The following SLC4A3 variants were observed in gnomAD, a reference collection of about 807,000 sequenced individuals.
SLC4A3 encodes the protein anion exchange protein 3.
A neutral mutation model predicts 114.2 loss-of-function variants in SLC4A3; 47 were observed. The observed-to-expected ratio is 0.41, with a 90% CI of 0.33 to 0.52. The LOEUF (loss-of-function observed/expected upper bound fraction) is 0.52. Among genes scored for constraint, SLC4A3 ranks in the 20% least tolerant of loss-of-function variants. The pLI is 0.21. For missense variants in SLC4A3, 1,312 were observed against 1,668.3 expected, an observed-to-expected ratio of 0.79 and a Z score of 3.72; for synonymous variants, 693 against 710.3, an observed-to-expected ratio of 0.98 and a Z score of 0.39.
At chr2:219,640,325 C>A (rs913093397) in intron 20 of SLC4A3, 105 bp from the exon 21 acceptor site, 2 of 1,299,862 alleles carry the variant, frequency 1.5e-6, no homozygotes, top group Non-Finnish European at 2.1e-6. Flanking sequence ...TCCATCCTCA[C>A]GGGGGCTGTC....
Position 219,639,388 on chromosome 2 carries a change from C to G in SLC4A3, c.3024-94C>G, listed in dbSNP as rs1022301512. 2 of 1,444,574 alleles carry G rather than the reference C, an allele frequency of 1.4e-6. No individual in the cohort carries two copies. Among genetic ancestry groups the G allele is most frequent in the Non-Finnish European group, 1.9e-6 (2 of 1,056,168 alleles). 89.5% of individuals were successfully genotyped at this position (1,444,574 alleles called of 1,614,324 possible). ...TAGGGAGAACTGTTGTCTGCACGTCCTCCCCCCACCATCTCGTCTCTGTGT... is the reference window on the plus strand; with the variant it reads ...TAGGGAGAACTGTTGTCTGCACGTCGTCCCCCCACCATCTCGTCTCTGTGT... On this transcript the variant is annotated intron_variant, in intron 19 of 22. Transcript: ENST00000358055. The surrounding 1 kb of genome is among the most constrained non-coding windows in gnomAD (Gnocchi z 5.9).
At position 219,640,905 on chromosome 2, in the gene SLC4A3, G is replaced by T. The variant is rs745424226; in HGVS notation, c.3564G>T (p.Thr1188=). Residue 1188 remains threonine, a synonymous_variant, in exon 22 of 23, where the codon ACG becomes ACT. Coordinates refer to ENST00000358055, the MANE Select transcript of SLC4A3 (RefSeq NM_005070.4). ...CCTTTCCCTTCCTGCTGCTGCTCAC[G>T]GTGCCTCTGAGGCATTGCCTTCTGC... The part of the protein sequence containing the change: ...SLAFPFLLLL[T]VPLRHCLLPR... 6.2e-7 allele frequency: 1 copy of T among 1,610,846 alleles called. No individual in the cohort carries two copies. Among genetic ancestry groups the T allele is most frequent in the Non-Finnish European group, 8.5e-7 (1 of 1,180,018 alleles).
At position 219,631,865 on chromosome 2, in the gene SLC4A3, C is replaced by T; in HGVS notation, c.812-103C>T. The T allele has an allele frequency of 1.6e-6, 2 of 1,283,750 alleles. No individual in the cohort carries two copies. Among genetic ancestry groups the T allele is most frequent in the African/African-American group, 1.5e-5 (1 of 67,140 alleles). 79.5% of individuals were successfully genotyped at this position (1,283,750 alleles called of 1,614,324 possible). On this transcript the variant is annotated intron_variant, in intron 6 of 22. Transcript: ENST00000358055. This position sits in a 1 kb window ranked among gnomAD's most constrained non-coding sequence, Gnocchi z 6.3. ...TCCCGTCGGCATGGCCTGTTGGTGA[C>T]TGTAGAGCTCACCAAGTAGATGGGT...
In SLC4A3 at chr2:219,632,296, G is replaced by T; in HGVS notation, c.995G>T (p.Arg332Leu). Residue 332 changes from arginine to leucine, a missense_variant, in exon 8 of 23, where the codon CGC becomes CTC. By Grantham distance (102) the Arg-to-Leu change is moderately radical. Around this residue, in one of 4 missense-constraint regions of SLC4A3, gnomAD observed 771 missense variants for 977.7 expected, o/e 0.79. Coordinates refer to ENST00000358055, the MANE Select transcript of SLC4A3 (RefSeq NM_005070.4). ...FVELNELMLD[R>L]SQEPHWRETA... is the part of the protein sequence containing the mutation. ...GAGCTGAACGAGCTGATGCTGGACCGCAGCCAGGAGCCCCACTGGCGGGAG... is the reference window on the plus strand; with the variant it reads ...GAGCTGAACGAGCTGATGCTGGACCTCAGCCAGGAGCCCCACTGGCGGGAG... The T allele has an allele frequency of 6.2e-7, 1 of 1,614,076 alleles. No homozygotes were observed. Among genetic ancestry groups the T allele is most frequent in the Admixed American group, 1.7e-5 (1 of 60,026 alleles).
chr2:219,637,859 C>A lies in SLC4A3; in HGVS notation c.2766+48C>A. ...GCCCCCAAGAGTCCCACAATTCCTG[C>A]TGTAGGAGCTCCCCAGAGAGGCTGC... On this transcript the variant is annotated intron_variant, in intron 17 of 22. Transcript: ENST00000358055. This position sits in a 1 kb window ranked among gnomAD's most constrained non-coding sequence, Gnocchi z 4.6. 7.0e-7 allele frequency: 1 copy of A among 1,430,412 alleles called. No individual in the cohort carries two copies. Among genetic ancestry groups the A allele is most frequent in the Non-Finnish European group, 9.9e-7 (1 of 1,014,510 alleles). 88.6% of individuals were successfully genotyped at this position (1,430,412 alleles called of 1,614,324 possible).
rs3214742 is a variant in SLC4A3 at position 219,629,882 on chromosome 2, A to AGGG, written c.611+195_611+197dup. Among the ~76,000 whole-genome samples the AGGG allele has an allele frequency of 1.4e-3, 145 of 105,058 alleles. 1 individual carries two copies. Among genetic ancestry groups the AGGG allele is most frequent in the African/African-American group, 5.0e-3 (134 of 26,946 alleles). The allele number at this position is 105,058 out of a possible 152,430, so 68.9% of individuals were successfully genotyped here. Reference sequence around the variant, plus strand: ...CATGATTTACAAGGAGGAGAGAACAAGGGGGGGGGGAGAAAAACAGAGAAG... The same window carrying AGGG: ...CATGATTTACAAGGAGGAGAGAACAAGGGGGGGGGGGGGAGAAAAACAGAGAAG... On this transcript the variant is annotated intron_variant, in intron 5 of 22. Transcript: ENST00000358055.
At chr2:219,640,318 A>T in intron 20 of SLC4A3, 112 bp from the exon 21 acceptor site, 1 of 1,214,960 alleles carries the variant, frequency 8.2e-7, no homozygotes, top group Non-Finnish European at 1.1e-6. Flanking sequence ...AGGCCTCTCC[A>T]TCCTCACGGG....
At position 219,636,349 on chromosome 2, in the gene SLC4A3, A is replaced by G; in HGVS notation, c.2239A>G (p.Thr747Ala). 1.2e-6 allele frequency: 2 copies of G among 1,613,752 alleles called. No individual in the cohort carries two copies. The highest frequency in any genetic ancestry group is 1.1e-5 in the South Asian group (1 of 91,076). ...GGGCGTGTCCGAGCTGATCGTGTCC[A>G]CCGCTGTGCTCGGCGTCCTCTTCTC... ...LMGVSELIVS[T>A]AVLGVLFSLL... The change falls in exon 15 of 23, where the codon ACC (threonine) becomes GCC (alanine). Residue 747 changes from threonine to alanine, a missense_variant. Physicochemically the swap from Thr to Ala is moderately conservative, Grantham distance 58. Transcript: ENST00000358055. The surrounding 1 kb of genome is among the most constrained non-coding windows in gnomAD (Gnocchi z 5.5).
chr2:219,637,587 A>T lies in SLC4A3; in HGVS notation c.2542A>T (p.Thr848Ser). ...ETFYKLYKVF[T>S]EHPLLPFYPP... ...CCTTGTTATCCACACACAGGTGTTC[A>T]CAGAGCACCCACTGCTGCCGTTCTA... The change falls in exon 17 of 23, where the codon ACA (threonine) becomes TCA (serine). Residue 848 changes from threonine to serine, a missense_variant. By Grantham distance (58) the Thr-to-Ser change is moderately conservative. Around this residue, in one of 4 missense-constraint regions of SLC4A3, gnomAD observed 771 missense variants for 977.7 expected, o/e 0.79. Coordinates refer to ENST00000358055, the MANE Select transcript of SLC4A3 (RefSeq NM_005070.4). This position sits in a 1 kb window ranked among gnomAD's most constrained non-coding sequence, Gnocchi z 4.6. The T allele has an allele frequency of 1.3e-6, 2 of 1,573,824 alleles. No homozygotes were observed. The highest frequency in any genetic ancestry group is 2.3e-5 in the South Asian group (2 of 88,344).
chr2:219,632,060 G>A lies in SLC4A3; in HGVS notation c.904G>A (p.Ala302Thr). ...CGGGAGGGGCAGTCCCAGCGGCCTG[G>A]CCCCCATCCTTCGCAGGAAGAAGAA... ...QGGRGSPSGLAPILRRKKKKK... is the reference protein window; with the variant it reads ...QGGRGSPSGLTPILRRKKKKK... The change falls in exon 7 of 23, where the codon GCC becomes ACC. Residue 302 changes from alanine (A) to threonine (T), a missense_variant. This residue lies in a region of SLC4A3 where 771 missense variants were observed against 977.7 expected (regional missense o/e 0.79). Transcript: ENST00000358055. 1 of 1,613,904 alleles carries A rather than the reference G, an allele frequency of 6.2e-7. No individual in the cohort carries two copies.
At position 219,628,266 on chromosome 2, in the gene SLC4A3, GAC is replaced by G. The variant is rs1169926186; in HGVS notation, c.52-135_52-134del. 1.0e-6 allele frequency: 1 copy of G among 978,400 alleles called. No individual in the cohort carries two copies. Among genetic ancestry groups the G allele is most frequent in the Non-Finnish European group, 1.5e-6 (1 of 672,890 alleles). The allele number at this position is 978,400 out of a possible 1,614,324, so 60.6% of individuals were successfully genotyped here. On this transcript the variant is annotated intron_variant, in intron 2 of 22. Transcript: ENST00000358055. This position sits in a 1 kb window ranked among gnomAD's most constrained non-coding sequence, Gnocchi z 4.8. ...CAGAGAGGGTGGTTTCTGGGATGCT[GAC>G]ACAGGCCTGGGAGCAAGGGGAGGGG...
At position 219,636,486 on chromosome 2, in the gene SLC4A3, C is replaced by G. The variant is rs1699123211; in HGVS notation, c.2340+36C>G. ...GCCTTGCCCTGCTCCATCCATCCTGCCCCACACTCTTCCTTACCTACATCC... is the reference window on the plus strand; with the variant it reads ...GCCTTGCCCTGCTCCATCCATCCTGGCCCACACTCTTCCTTACCTACATCC... On this transcript the variant is annotated intron_variant, in intron 15 of 22. Coordinates refer to ENST00000358055, the MANE Select transcript of SLC4A3 (RefSeq NM_005070.4). The surrounding 1 kb of genome is among the most constrained non-coding windows in gnomAD (Gnocchi z 5.5). 1 of 1,553,128 alleles carries G rather than the reference C, an allele frequency of 6.4e-7. No homozygotes were observed. Among genetic ancestry groups the G allele is most frequent in the African/African-American group, 1.5e-5 (1 of 66,508 alleles).
chr2:219,641,025 GTTT>G lies in SLC4A3; in HGVS notation c.3621+64_3621+66del. On this transcript the variant is annotated intron_variant, in intron 22 of 22. Transcript: ENST00000358055. This position sits in a 1 kb window ranked among gnomAD's most constrained non-coding sequence, Gnocchi z 4.0. The stretch of plus-strand genomic sequence containing the variant: ...AAATGGGCACTGGGTTCCAATCTCT[GTTT>G]GGCCACCCACTAGTTGTGTTAGTTG... The G allele has an allele frequency of 6.7e-7, 1 of 1,485,218 alleles. No individual in the cohort carries two copies. The highest frequency in any genetic ancestry group is 9.2e-7 in the Non-Finnish European group (1 of 1,092,638). The allele number at this position is 1,485,218 out of a possible 1,614,324, so 92.0% of individuals were successfully genotyped here.
chr2:219,634,720 C>A, intron 12 of SLC4A3, 116 bp downstream of exon 12: 2 of 1,128,598 alleles, frequency 1.8e-6, no homozygotes, highest in Non-Finnish European at 2.5e-6. Flanking sequence ...TGGGTGGAGG[C>A]CATGCCCTGG....
rs763110688 is a variant in SLC4A3, at chr2:219,630,138, G to A, written c.612-15G>A. Reference sequence around the variant, plus strand: ...TGGCCCTGTCAAGTCCAAGGCTGCTGTGTTGCCTCCCCAGCTCCCCCAGCC... The same window carrying A: ...TGGCCCTGTCAAGTCCAAGGCTGCTATGTTGCCTCCCCAGCTCCCCCAGCC... On this transcript the variant is annotated splice_polypyrimidine_tract_variant and intron_variant, in intron 5 of 22. Transcript: ENST00000358055. This position sits in a 1 kb window ranked among gnomAD's most constrained non-coding sequence, Gnocchi z 6.9. 2 of 1,612,832 alleles carry A rather than the reference G, an allele frequency of 1.2e-6. No homozygotes were observed. The highest frequency in any genetic ancestry group is 1.7e-6 in the Non-Finnish European group (2 of 1,179,634).
intron 5 of SLC4A3, 180 bp from the exon 6 acceptor site, chr2:219,629,973 G>A: frequency 1.6e-6 from 2 of 1,216,596 alleles, no homozygotes; most frequent in Non-Finnish European, 1.1e-6. Context: ...GAGGAGAAAG[G>A]TGGAGGAAAG....
Position 219,636,178 on chromosome 2 carries a change from C to A in SLC4A3, c.2192-124C>A. 1.8e-6 allele frequency: 2 copies of A among 1,093,446 alleles called. No individual in the cohort carries two copies. Among genetic ancestry groups the A allele is most frequent in the Non-Finnish European group, 2.7e-6 (2 of 742,692 alleles). The allele number at this position is 1,093,446 out of a possible 1,614,324, so 67.7% of individuals were successfully genotyped here. On this transcript the variant is annotated intron_variant, in intron 14 of 22. Transcript: ENST00000358055. This position sits in a 1 kb window ranked among gnomAD's most constrained non-coding sequence, Gnocchi z 5.5. ...TGGGAGCAATGGGGTATGGAAGGGGCCCTGTGTGTCACTCTAAGGGGCTGC... is the reference window on the plus strand; with the variant it reads ...TGGGAGCAATGGGGTATGGAAGGGGACCTGTGTGTCACTCTAAGGGGCTGC...
rs1402044432 is a variant in SLC4A3, at chr2:219,631,257, AAGG to A, written c.812-709_812-707del. ...CGGGAGAATGACGAGCCCACTGGAG[AAGG>A]ACCCTGAGCCCAATGGGGCACTGAG... On this transcript the variant is annotated intron_variant, in intron 6 of 22. Transcript: ENST00000358055. The surrounding 1 kb of genome is among the most constrained non-coding windows in gnomAD (Gnocchi z 6.3). The A allele has an allele frequency of 7.8e-7, 1 of 1,274,970 alleles. No homozygotes were observed. The highest frequency in any genetic ancestry group is 1.0e-6 in the Non-Finnish European group (1 of 969,198). 79.0% of individuals were successfully genotyped at this position (1,274,970 alleles called of 1,614,324 possible).
At chr2:219,634,282 T>C in intron 11 of SLC4A3, 138 bp from the exon 12 acceptor site, 2 of 810,140 alleles carry the variant, frequency 2.5e-6, no homozygotes, top group Non-Finnish European at 4.0e-6. Context: ...CATAAGCGAA[T>C]AGTGCCCTTT....
Sources: gnomAD v4.1 joint callset for allele counts (sites outside exome capture counted in the v4.1 genomes callset) on GRCh38, gnomAD v4.1.1 for gene constraint, gnomAD v4.1.1 regional missense constraint, Gnocchi (gnomAD v3.1) non-coding constraint, MANE v1.5 for transcripts, NCBI Gene and HGNC (gene_info 2026-07-23, HGNC 2026-07-21) for gene names.